SSH1: variants seen among roughly 807,000 people sequenced by gnomAD.
SSH1 encodes the protein slingshot protein phosphatase 1.
Under a neutral mutation model 79.7 loss-of-function variants are expected in SSH1, and 43 were observed. That is an observed-to-expected ratio of 0.54 (90% CI 0.42 to 0.70). The LOEUF (loss-of-function observed/expected upper bound fraction) is 0.70. Among genes scored for constraint, SSH1 ranks in the 30% least tolerant of loss-of-function variants. SSH1 has a pLI of 0.00. For synonymous variants in SSH1, 599 were observed against 538.3 expected, an observed-to-expected ratio of 1.11 and a Z score of -1.56; for missense variants, 1,206 against 1,358.8, an observed-to-expected ratio of 0.89 and a Z score of 1.77.
chr12:108,808,821 C>CTTTT (rs148110288), intron 7 of SSH1, among the ~76,000 whole-genome samples: 54 of 80,272 alleles, frequency 6.7e-4, no homozygotes, highest in Admixed American at 8.6e-4. Context: ...TCTTTTACTT[C>CTTTT]TTTTTTTTTT....
intron 13 of SSH1, among the ~76,000 whole-genome samples, 198 bp downstream of exon 13, chr12:108,798,802 C>T (rs894018679): frequency 1.3e-5 from 2 of 152,260 alleles, no homozygotes; most frequent in African/African-American, 4.8e-5. Context: ...ACAGATCCCT[C>T]CTGGAAACCA....
At chr12:108,805,885 A>G (rs2037245479) in intron 9 of SSH1, among the ~76,000 whole-genome samples, 2 of 152,226 alleles carry the variant, frequency 1.3e-5, no homozygotes, top group Admixed American at 6.5e-5. Flanking sequence ...TGATACTTGC[A>G]GGTCAAGCTG....
chr12:108,854,276 A>G (rs2039101726), intron 1 of SSH1, among the ~76,000 whole-genome samples: 1 of 152,236 alleles, frequency 6.6e-6, no homozygotes, highest in African/African-American at 2.4e-5. Flanking sequence ...GGTCCCAAGT[A>G]TCAACAGTGG....
At chr12:108,845,676 A>C (rs1205802941) in intron 2 of SSH1, among the ~76,000 whole-genome samples, 1 of 152,220 alleles carries the variant, frequency 6.6e-6, no homozygotes, top group African/African-American at 2.4e-5. Context: ...AACGTGAGCG[A>C]AACTCCATTT....
At position 108,807,647 on chromosome 12, in the gene SSH1, C is replaced by T. The variant is rs773009713; in HGVS notation, c.717G>A (p.Ala239=). 1.9e-5 allele frequency: 30 copies of T among 1,612,516 alleles called. No homozygotes were observed. The Admixed American group carries it at 3.7e-4, about 20-fold the overall frequency. Residue 239 remains alanine, a synonymous_variant, in exon 8 of 15, where the codon GCG becomes GCA. Coordinates refer to ENST00000326495, the MANE Select transcript of SSH1 (RefSeq NM_018984.4). The surrounding 1 kb of genome is among the most constrained non-coding windows in gnomAD (Gnocchi z 5.2). ...DLESTRPDSP[A]LFVDKPTEGE... is the part of the protein sequence containing the mutation. ...ACCTCACTTACTTGTCCACAAATAGCGCGGGGGAGTCGGGCCGCGTAGACT... is the reference window on the plus strand; with the variant it reads ...ACCTCACTTACTTGTCCACAAATAGTGCGGGGGAGTCGGGCCGCGTAGACT...
intron 3 of SSH1, among the ~76,000 whole-genome samples, chr12:108,822,065 T>C (rs2038142842): frequency 6.6e-6 from 1 of 152,214 alleles, no homozygotes; most frequent in Admixed American, 6.5e-5. Context: ...CCTCTTTCTT[T>C]CTTTTTGAGA....
At position 108,806,330 on chromosome 12, in the gene SSH1, G is replaced by A; in HGVS notation, c.796C>T (p.Gln266Ter). The change falls in exon 9 of 15, where the codon CAG (glutamine) becomes TAG (stop). Residue 266 changes from glutamine (Q) to a stop codon, truncating the protein, a stop_gained. Transcript: ENST00000326495. LOFTEE classifies it high-confidence loss of function. ...KAKLRSIMMS[Q>*]DLENVTSKEI... ...TTGGAAGTCACATTTTCTAGATCCT[G>A]GCTCATCATGATGCTTCGGAGCTTG... 6.2e-7 allele frequency: 1 copy of A among 1,614,124 alleles called. No individual in the cohort carries two copies. Among genetic ancestry groups the A allele is most frequent in the Non-Finnish European group, 8.5e-7 (1 of 1,180,022 alleles).
In SSH1 at chr12:108,784,090, A is replaced by C. The variant is rs1326394073; in HGVS notation, c.*3898T>G. 6.6e-6 allele frequency: 1 copy of C among 152,218 alleles called. No homozygotes were observed. The allele number at this position is 152,218 out of a possible 1,614,324, so 9.4% of individuals were successfully genotyped here. A position where few individuals can be genotyped will look rare whatever the true frequency, so the allele number is the denominator to read the frequency against. On this transcript the variant is annotated 3_prime_UTR_variant, in exon 15 of 15. Coordinates refer to ENST00000326495, the MANE Select transcript of SSH1 (RefSeq NM_018984.4). ...CAATGGAAGGCAACTCCCTCTCCAG[A>C]TGCCTCAGGTGAGATGACTTAATAG...
At chr12:108,835,933 A>ATTATAACCATATTAATATAATCG in intron 2 of SSH1, among the ~76,000 whole-genome samples, 1 of 23,524 alleles carries the variant, frequency 4.3e-5, no homozygotes, top group South Asian at 1.9e-3. Flanking sequence ...TAATATAATC[A>ATTATAACCATATTAATATAATCG]ATTATAACTA....
chr12:108,830,630 G>A (rs1410771189), intron 2 of SSH1, among the ~76,000 whole-genome samples: 1 of 152,088 alleles, frequency 6.6e-6, no homozygotes, highest in Non-Finnish European at 1.5e-5. Context: ...GTGATTAGGT[G>A]CAATAAAGGG....
rs61739300 is a variant in SSH1 at position 108,788,138 on chromosome 12, G to A, written c.3000C>T (p.Thr1000=). Residue 1000 remains threonine, a synonymous_variant, in exon 15 of 15, where the codon ACC becomes ACT. Coordinates refer to ENST00000326495, the MANE Select transcript of SSH1 (RefSeq NM_018984.4). ...EDLSSEADPS[T]VADSQDTTLS... ...AAGTGGTGTCCTGGGAGTCAGCGACGGTGGACGGGTCAGCCTCACTGGACA... is the reference window on the plus strand; with the variant it reads ...AAGTGGTGTCCTGGGAGTCAGCGACAGTGGACGGGTCAGCCTCACTGGACA... The A allele has an allele frequency of 7.0e-3, 11,296 of 1,613,958 alleles. 476 individuals are homozygous for A. The African/African-American group carries it at 0.11, about 16-fold the overall frequency.
intron 2 of SSH1, among the ~76,000 whole-genome samples, chr12:108,825,503 T>G (rs1204952184): frequency 6.6e-6 from 1 of 152,250 alleles, no homozygotes; most frequent in Non-Finnish European, 1.5e-5. Flanking sequence ...TAAATGCTCA[T>G]GCTAAAAATA....
At chr12:108,797,472 C>T (rs1372210535) in intron 13 of SSH1, among the ~76,000 whole-genome samples, 1 of 152,192 alleles carries the variant, frequency 6.6e-6, no homozygotes, top group Non-Finnish European at 1.5e-5. Context: ...CTGCTCTCTC[C>T]CAACTGGCTC....
intron 13 of SSH1, among the ~76,000 whole-genome samples, chr12:108,798,481 A>G (rs1039803641): frequency 2.0e-5 from 3 of 152,208 alleles, no homozygotes; most frequent in Admixed American, 6.5e-5. Context: ...TCGGACTACA[A>G]GTGCATGTCC....
intron 2 of SSH1, among the ~76,000 whole-genome samples, chr12:108,825,505 C>T (rs1275799607): frequency 6.6e-6 from 1 of 152,174 alleles, no homozygotes; most frequent in Non-Finnish European, 1.5e-5. Flanking sequence ...AATGCTCATG[C>T]TAAAAATAGT....
intron 2 of SSH1, chr12:108,826,067 T>C (rs1231621009): frequency 2.3e-6 from 1 of 437,878 alleles, no homozygotes; most frequent in Admixed American, 2.8e-5. Flanking sequence ...TCAACTGCTT[T>C]TGTTCATGAG....
At chr12:108,843,824 T>C (rs987776186) in intron 2 of SSH1, among the ~76,000 whole-genome samples, 1 of 152,194 alleles carries the variant, frequency 6.6e-6, no homozygotes, top group Non-Finnish European at 1.5e-5. Flanking sequence ...CGTGAGCCAC[T>C]GAGCCCAGCC....
intron 4 of SSH1, 117 bp from the exon 5 acceptor site, chr12:108,817,276 TGAAGA>T (rs2037933370): frequency 1.3e-6 from 2 of 1,493,628 alleles, no homozygotes; most frequent in Non-Finnish European, 1.8e-6. Context: ...GAGTTAAAAA[TGAAGA>T]GAAAATTCTT....
Position 108,857,453 on chromosome 12 carries a change from G to A in SSH1, c.44C>T (p.Ala15Val). Reference sequence around the variant, plus strand: ...CTCGCTGTTGCTGGCCGAGGAGGAGGCGGCGCTGGGCGTGGGCGAGCGCTG... The same window carrying A: ...CTCGCTGTTGCTGGCCGAGGAGGAGACGGCGCTGGGCGTGGGCGAGCGCTG... ...TLQRSPTPSA[A>V]SSSASNSELE... The change falls in exon 1 of 15, where the codon GCC becomes GTC. Residue 15 changes from alanine to valine, a missense_variant. Coordinates refer to ENST00000326495, the MANE Select transcript of SSH1 (RefSeq NM_018984.4). The surrounding 1 kb of genome is among the most constrained non-coding windows in gnomAD (Gnocchi z 4.7). 1 of 1,118,126 alleles carries A rather than the reference G, an allele frequency of 8.9e-7. No individual in the cohort carries two copies. Among genetic ancestry groups the A allele is most frequent in the Non-Finnish European group, 1.1e-6 (1 of 898,094 alleles). 69.3% of individuals were successfully genotyped at this position (1,118,126 alleles called of 1,614,324 possible). A position where few individuals can be genotyped will look rare whatever the true frequency, so the allele number is the denominator to read the frequency against.
Sources: allele counts gnomAD v4.1 joint callset (sites outside exome capture counted in the v4.1 genomes callset), GRCh38; gene constraint gnomAD v4.1.1; non-coding constraint Gnocchi (gnomAD v3.1); transcripts MANE v1.5; gene names NCBI Gene and HGNC (gene_info 2026-07-23, HGNC 2026-07-21).